The following PCDHGA3 variants were observed in gnomAD, a reference collection of about 807,000 sequenced individuals.
The protein encoded by PCDHGA3 is protocadherin gamma-A3.
PCDHGA3 carries 40 observed loss-of-function variants against 58.5 expected under a neutral mutation model. That is an observed-to-expected ratio of 0.68 (90% CI 0.53 to 0.89). The LOEUF is 0.89. Ranked by LOEUF, PCDHGA3 falls within the 40% of genes least tolerant of loss-of-function variation. The pLI is 0.00. For missense variants in PCDHGA3, 1,223 were observed against 1,195.9 expected (o/e 1.02, Z -0.33); for synonymous variants, 530 against 525.7 (o/e 1.01, Z -0.11).
Position 141,345,979 on chromosome 5 carries a change from A to G in PCDHGA3, c.1946A>G (p.His649Arg). Residue 649 changes from histidine (H) to arginine (R), a missense_variant, in exon 1 of 4, where the codon CAC becomes CGC. Physicochemically the swap from His to Arg is conservative, Grantham distance 29. Transcript: ENST00000253812. ...AGCCTCGTGGTGGCCGTCCAGGACC[A>G]CGGCCAGCCCCCTCTCTCCGCCACT... ...KQSLVVAVQDHGQPPLSATVT... is the reference protein window; with the variant it reads ...KQSLVVAVQDRGQPPLSATVT... The G allele has an allele frequency of 6.2e-7, 1 of 1,613,178 alleles. No homozygotes were observed. The highest frequency in any genetic ancestry group is 8.5e-7 in the Non-Finnish European group (1 of 1,179,778).
intron 1 of PCDHGA3, among the ~76,000 whole-genome samples, chr5:141,347,364 A>G (rs1002042968): frequency 1.3e-5 from 2 of 151,966 alleles, no homozygotes; most frequent in African/African-American, 2.4e-5. Context: ...TATGTTTCCC[A>G]GGCTGGTCTG....
chr5:141,377,638 G>T (rs1588842725), intron 1 of PCDHGA3: 1 of 151,416 alleles, frequency 6.6e-6, no homozygotes, highest in East Asian at 1.9e-4. Flanking sequence ...TTTTCTCAGT[G>T]TTACTTGATA....
chr5:141,374,078 C>T, intron 1 of PCDHGA3: 1 of 1,516,122 alleles, frequency 6.6e-7, no homozygotes, highest in Non-Finnish European at 8.8e-7. Flanking sequence ...TCCTAATAAG[C>T]CAGTAATGGC....
At chr5:141,402,272 G>A (rs934353221) in intron 1 of PCDHGA3, among the ~76,000 whole-genome samples, 7 of 151,874 alleles carry the variant, frequency 4.6e-5, no homozygotes, top group African/African-American at 1.2e-4. Context: ...TAATTTCAAA[G>A]TGGATAATCT....
At chr5:141,358,810 C>T (rs1265503532) in intron 1 of PCDHGA3, among the ~76,000 whole-genome samples, 3 of 152,162 alleles carry the variant, frequency 2.0e-5, no homozygotes, top group African/African-American at 2.4e-5. Flanking sequence ...ATATGATTTA[C>T]GCTGCTTAGT....
At chr5:141,422,307 C>T in intron 1 of PCDHGA3, 4 of 1,547,552 alleles carry the variant, frequency 2.6e-6, no homozygotes, top group South Asian at 1.3e-5. Flanking sequence ...TTCTGGAAAA[C>T]TCTCCTCCAG....
rs962698210 is a variant in PCDHGA3, at chr5:141,346,022, C to T, written c.1989C>T (p.Ala663=). ...CCGCCACTGTCACGCTCACCGTGGCCGTGGCCGACAGGATCCCCGACATCC... is the reference window on the plus strand; with the variant it reads ...CCGCCACTGTCACGCTCACCGTGGCTGTGGCCGACAGGATCCCCGACATCC... ...PLSATVTLTV[A]VADRIPDILA... is the part of the protein sequence containing the mutation. The change falls in exon 1 of 4, where the codon GCC becomes GCT. Residue 663 remains alanine (A), a synonymous_variant. Coordinates refer to ENST00000253812, the MANE Select transcript of PCDHGA3 (RefSeq NM_018916.4). The T allele has an allele frequency of 1.2e-6, 2 of 1,613,466 alleles. No individual in the cohort carries two copies. The highest frequency in any genetic ancestry group is 1.7e-5 in the Admixed American group (1 of 59,994).
At chr5:141,397,110 C>T (rs561188757) in intron 1 of PCDHGA3, among the ~76,000 whole-genome samples, 1 of 152,324 alleles carries the variant, frequency 6.6e-6, no homozygotes, top group African/African-American at 2.4e-5. Context: ...ATGCAATCCA[C>T]TAGAATATCC....
chr5:141,401,888 TTC>T (rs1281227155), intron 1 of PCDHGA3, among the ~76,000 whole-genome samples: 3 of 152,232 alleles, frequency 2.0e-5, no homozygotes, highest in Non-Finnish European at 2.9e-5. Flanking sequence ...ATATTTTGTG[TTC>T]TTTTTCCCAA....
At chr5:141,468,425 T>TA (rs2099167168) in intron 1 of PCDHGA3, 1 of 151,612 alleles carries the variant, frequency 6.6e-6, no homozygotes, top group Non-Finnish European at 1.5e-5. Context: ...GATAGCAAGG[T>TA]AATAGCAAAA....
rs201408987 is a variant in PCDHGA3, at chr5:141,476,857, C to T, written c.2425-17950C>T. 12 of 1,613,768 alleles carry T rather than the reference C, an allele frequency of 7.4e-6. No individual in the cohort carries two copies. The highest frequency in any genetic ancestry group is 1.0e-5 in the Non-Finnish European group (12 of 1,180,054). ...ACAATGCGCCTGTCTTCAACCAGTC[C>T]TTGTACCGGGCGCGCGTCCTGGAGG... On this transcript the variant is annotated intron_variant, in intron 1 of 3. Transcript: ENST00000253812. The surrounding 1 kb of genome is among the most constrained non-coding windows in gnomAD (Gnocchi z 7.6).
At chr5:141,426,702 C>CA (rs1187798274) in intron 1 of PCDHGA3, 1 of 439,184 alleles carries the variant, frequency 2.3e-6, no homozygotes, top group Admixed American at 2.4e-5. Context: ...CATTGTTTTA[C>CA]AAATCAATGA....
chr5:141,440,464 G>A (rs2003094), intron 1 of PCDHGA3: 3,293 of 152,144 alleles, frequency 0.022, 52 homozygotes, highest in South Asian at 0.038. Context: ...ATGAACAAAC[G>A]GTAGTTGAAA....
At chr5:141,375,619 G>C in intron 1 of PCDHGA3, 1 of 1,614,216 alleles carries the variant, frequency 6.2e-7, no homozygotes, top group Non-Finnish European at 8.5e-7. Flanking sequence ...CCGACACTGG[G>C]ATTCTGTACG....
chr5:141,434,724 C>T (rs2097712360), intron 1 of PCDHGA3, among the ~76,000 whole-genome samples: 2 of 151,800 alleles, frequency 1.3e-5, no homozygotes, highest in Admixed American at 1.3e-4. Flanking sequence ...GTTCAGGGCT[C>T]TCAGCTCTGA....
rs140779776 is a variant in PCDHGA3 at position 141,412,904 on chromosome 5, C to T, written c.2424+66447C>T. On this transcript the variant is annotated intron_variant, in intron 1 of 3. Transcript: ENST00000253812. ...CAACAGAATAGTTTACTTTCCATTG[C>T]ATGTATCACTTGGGTGCAGTAACTT... The T allele has an allele frequency of 4.0e-4, 150 of 378,712 alleles. 3 individuals carry two copies. In the East Asian group the frequency reaches 6.1e-3, roughly 15 times the overall value. 23.5% of individuals were successfully genotyped at this position (378,712 alleles called of 1,614,324 possible).
At chr5:141,394,378 A>G (rs373024642) in intron 1 of PCDHGA3, 91 of 1,614,090 alleles carry the variant, frequency 5.6e-5, no homozygotes, top group Non-Finnish European at 6.9e-5. Flanking sequence ...TCTTTCGACT[A>G]TGAGCAGATC....
Position 141,487,642 on chromosome 5 carries a change from G to A in PCDHGA3, c.2425-7165G>A, listed in dbSNP as rs747328649. 1.2e-6 allele frequency: 2 copies of A among 1,614,130 alleles called. No individual in the cohort carries two copies. The highest frequency in any genetic ancestry group is 1.3e-5 in the African/African-American group (1 of 75,062). On this transcript the variant is annotated intron_variant, in intron 1 of 3. Transcript: ENST00000253812. This position sits in a 1 kb window ranked among gnomAD's most constrained non-coding sequence, Gnocchi z 5.0. ...TGAGACCTTTGCAGGCTCAACAAAT[G>A]CTTGAGGGTTATTCTGATCCAGGCA...
chr5:141,392,955 A>G, intron 1 of PCDHGA3: 1 of 1,613,920 alleles, frequency 6.2e-7, no homozygotes, highest in Non-Finnish European at 8.5e-7. Flanking sequence ...CGTGGGTAAT[A>G]TCTCCAAGGA....
Sources: allele counts gnomAD v4.1 joint callset (sites outside exome capture counted in the v4.1 genomes callset), GRCh38; gene constraint gnomAD v4.1.1; non-coding constraint Gnocchi (gnomAD v3.1); transcripts MANE v1.5; gene names NCBI Gene and HGNC (gene_info 2026-07-23, HGNC 2026-07-21).